The following PIK3C2G variants were observed in gnomAD, a reference collection of about 807,000 sequenced individuals.
PIK3C2G encodes phosphatidylinositol 3-kinase C2 domain-containing subunit gamma.
A neutral mutation model predicts 181.1 loss-of-function variants in PIK3C2G; 168 were observed. The ratio of observed to expected loss-of-function variants is 0.93; its 90% confidence interval spans 0.82 to 1.05. The LOEUF (loss-of-function observed/expected upper bound fraction) is 1.05. PIK3C2G is among the 50% of genes least tolerant of loss of function. The probability of loss-of-function intolerance (pLI) is 0.00; values close to 1 mark genes in which losing one functional copy is unlikely to be tolerated. For missense variants in PIK3C2G, 1,869 were observed against 1,732.8 expected (o/e 1.08, Z -1.40); for synonymous variants, 573 against 592.2 (o/e 0.97, Z 0.47).
At chr12:18,268,961 C>T (rs1229835910) in intron 1 of PIK3C2G, among the ~76,000 whole-genome samples, 1 of 151,982 alleles carries the variant, frequency 6.6e-6, no homozygotes, top group Non-Finnish European at 1.5e-5. Flanking sequence ...GTCACTCAGG[C>T]TGGAGTGCAG....
At chr12:18,683,682 A>G in the PIK3C2G span, 12 of 1,235,310 alleles carry the variant, frequency 9.7e-6, no homozygotes, top group African/African-American at 9.2e-5. Context: ...GCACAGTGTA[A>G]ATCACCCTGG....
chr12:18,629,515 G>T (rs574170031), intron 31 of PIK3C2G, among the ~76,000 whole-genome samples: 1 of 152,284 alleles, frequency 6.6e-6, no homozygotes, highest in East Asian at 1.9e-4. Context: ...AAGTGAGGAG[G>T]ATGGTGACTA....
chr12:18,244,138 T>C (rs1254506568), upstream of PIK3C2G, among the ~76,000 whole-genome samples: 8 of 151,908 alleles, frequency 5.3e-5, no homozygotes, highest in Non-Finnish European at 1.0e-4. Flanking sequence ...AAATGCCAAA[T>C]CAAGCAAAAT....
intron 31 of PIK3C2G, among the ~76,000 whole-genome samples, chr12:18,637,356 CTG>C (rs1949648388): frequency 6.6e-6 from 1 of 150,946 alleles, no homozygotes; most frequent in Non-Finnish European, 1.5e-5. Context: ...CCGTAACTCT[CTG>C]TTTTTATGAT....
intron 31 of PIK3C2G, among the ~76,000 whole-genome samples, chr12:18,623,047 G>A (rs1405703007): frequency 2.6e-5 from 4 of 151,626 alleles, no homozygotes; most frequent in African/African-American, 9.7e-5. Context: ...TTTTCATTTT[G>A]ATGTAATCCC....
chr12:18,429,081 A>G (rs181192132), intron 18 of PIK3C2G, among the ~76,000 whole-genome samples: 9 of 152,256 alleles, frequency 5.9e-5, no homozygotes, highest in Admixed American at 5.9e-4. Flanking sequence ...GAATTTAATT[A>G]AAGATCTTGA....
intron 24 of PIK3C2G, among the ~76,000 whole-genome samples, chr12:18,523,030 C>T (rs1943014930): frequency 6.6e-6 from 1 of 151,964 alleles, no homozygotes; most frequent in Admixed American, 6.6e-5. Context: ...ACTATTGAAG[C>T]TTTCTAATAA....
chr12:18,520,302 T>C (rs1942832126), intron 24 of PIK3C2G, among the ~76,000 whole-genome samples: 1 of 152,192 alleles, frequency 6.6e-6, no homozygotes, highest in Non-Finnish European at 1.5e-5. Context: ...GATAATATCC[T>C]GAAGTGTGTT....
chr12:18,649,634 G>T (rs897282890), downstream of PIK3C2G, among the ~76,000 whole-genome samples: 2 of 152,042 alleles, frequency 1.3e-5, no homozygotes, highest in African/African-American at 4.8e-5. Context: ...TTCTCTTAGA[G>T]CCATTACAAG....
chr12:18,497,327 T>C (rs1299344182), intron 21 of PIK3C2G, among the ~76,000 whole-genome samples: 15 of 152,208 alleles, frequency 9.9e-5, no homozygotes, highest in Admixed American at 9.8e-4. Flanking sequence ...ACTTTGAATC[T>C]GAGAAATCAC....
At chr12:18,285,373 G>A (rs1434794650) in intron 2 of PIK3C2G, 1 of 151,938 alleles carries the variant, frequency 6.6e-6, no homozygotes, top group African/African-American at 2.4e-5. Context: ...AAATACTTCT[G>A]GTACAAGGAA....
At chr12:18,275,245 G>GT (rs373092741) in intron 1 of PIK3C2G, among the ~76,000 whole-genome samples, 83 of 152,300 alleles carry the variant, frequency 5.4e-4, no homozygotes, top group African/African-American at 1.8e-3. Context: ...CCAAAAGATT[G>GT]TAAGACTACG....
intron 18 of PIK3C2G, among the ~76,000 whole-genome samples, chr12:18,463,907 G>A (rs906359753): frequency 1.3e-5 from 2 of 151,962 alleles, no homozygotes; most frequent in African/African-American, 4.8e-5. Context: ...TCACTCCTCC[G>A]CTCTGCTCTT....
chr12:18,430,336 A>G (rs1946085944), intron 18 of PIK3C2G, among the ~76,000 whole-genome samples: 3 of 152,116 alleles, frequency 2.0e-5, no homozygotes. Flanking sequence ...GTAGGAAACC[A>G]TATTATAACA....
rs374401704 is a variant in PIK3C2G at position 18,399,754 on chromosome 12, G to A, written c.2222G>A (p.Gly741Glu). Reference sequence around the variant, plus strand: ...CCTTTAGTCCTGGGTAGTGCCCCTGGATGGGATGAAAGGACTGTTTCAGAA... The same window carrying A: ...CCTTTAGTCCTGGGTAGTGCCCCTGAATGGGATGAAAGGACTGTTTCAGAA... ...SLPLVLGSAPGWDERTVSEMH... is the reference protein window; with the variant it reads ...SLPLVLGSAPEWDERTVSEMH... The change falls in exon 16 of 33, where the codon GGA (glycine) becomes GAA (glutamate). Residue 741 changes from glycine (G) to glutamate (E), a missense_variant. Transcript: ENST00000538779. 6.2e-7 allele frequency: 1 copy of A among 1,606,770 alleles called. No homozygotes were observed. The highest frequency in any genetic ancestry group is 8.5e-7 in the Non-Finnish European group (1 of 1,174,780).
rs761246696 is a variant in PIK3C2G at position 18,505,311 on chromosome 12, A to T, written c.3173A>T (p.Tyr1058Phe). The part of the protein sequence containing the change: ...DYEKALRNFF[Y>F]SCAGWCVVTF... ...AATTAGGCCTTGAGGAACTTTTTCT[A>T]CTCCTGTGCTGGCTGGTGTGTGGTA... The change falls in exon 24 of 33, where the codon TAC (tyrosine) becomes TTC (phenylalanine). Residue 1058 changes from tyrosine to phenylalanine, a missense_variant. Coordinates refer to ENST00000538779, the MANE Select transcript of PIK3C2G (RefSeq NM_001288772.2). 1.6e-5 allele frequency: 26 copies of T among 1,597,694 alleles called. No individual in the cohort carries two copies. In the South Asian group the frequency reaches 2.9e-4, roughly 18 times the overall value.
intron 14 of PIK3C2G, among the ~76,000 whole-genome samples, chr12:18,388,999 T>C (rs1943362706): frequency 6.6e-6 from 1 of 152,130 alleles, no homozygotes; most frequent in African/African-American, 2.4e-5. Context: ...ATGTGAGAAA[T>C]AGATGTCATG....
chr12:18,603,244 A>G (rs1270407527), intron 30 of PIK3C2G, among the ~76,000 whole-genome samples: 1 of 152,180 alleles, frequency 6.6e-6, no homozygotes, highest in African/African-American at 2.4e-5. Flanking sequence ...ATTCTCAGCA[A>G]TATAATTGAA....
At chr12:18,350,942 G>T (rs189544828) in intron 11 of PIK3C2G, among the ~76,000 whole-genome samples, 136 of 152,160 alleles carry the variant, frequency 8.9e-4, no homozygotes, top group Admixed American at 4.0e-3. Flanking sequence ...AAGGATATAG[G>T]AGTGAGCATA....
Sources: allele counts gnomAD v4.1 joint callset (sites outside exome capture counted in the v4.1 genomes callset), GRCh38; gene constraint gnomAD v4.1.1; transcripts MANE v1.5; gene names NCBI Gene and HGNC (gene_info 2026-07-23, HGNC 2026-07-21).